The following CLYBL variants were observed in gnomAD, a reference collection of about 807,000 sequenced individuals.
CLYBL encodes citramalyl-CoA lyase, mitochondrial.
A neutral mutation model predicts 38.9 loss-of-function variants in CLYBL; 31 were observed. That is an observed-to-expected ratio of 0.80 (90% confidence interval 0.60 to 1.08). CLYBL has a LOEUF of 1.08. Ranked by LOEUF, CLYBL falls within the 50% of genes least tolerant of loss-of-function variation. CLYBL has a pLI of 0.00. For missense variants in CLYBL, 434 were observed against 411.6 expected (o/e 1.05, Z -0.47); for synonymous variants, 171 against 158.6 (o/e 1.08, Z -0.59).
At chr13:99,767,495 C>T (rs569815390) in intron 1 of CLYBL, among the ~76,000 whole-genome samples, 6 of 152,284 alleles carry the variant, frequency 3.9e-5, no homozygotes, top group Non-Finnish European at 7.4e-5. Context: ...AGTCTTTCAC[C>T]AAATTTGGAG....
In CLYBL at chr13:99,869,333, A is replaced by G. The variant is rs184808707; in HGVS notation, c.803-1605A>G. On this transcript the variant is annotated intron_variant, in intron 6 of 8. Transcript: ENST00000339105. The surrounding 1 kb of genome is among the most constrained non-coding windows in gnomAD (Gnocchi z 4.3). ...TTACGCATTGGTGTAAATTATGTACATAAATTATGAAATTCAGGGCTAACA... is the reference window on the plus strand; with the variant it reads ...TTACGCATTGGTGTAAATTATGTACGTAAATTATGAAATTCAGGGCTAACA... Among the ~76,000 whole-genome samples, 2 of 152,304 alleles carry G rather than the reference A, an allele frequency of 1.3e-5. No homozygotes were observed. Among genetic ancestry groups the G allele is most frequent in the Non-Finnish European group, 2.9e-5 (2 of 67,994 alleles).
intron 1 of CLYBL, among the ~76,000 whole-genome samples, chr13:99,626,313 G>A (rs1486690849): frequency 2.0e-5 from 3 of 152,218 alleles, no homozygotes; most frequent in Non-Finnish European, 4.4e-5. Context: ...GATTCCCAGG[G>A]GCTGGGCATG....
At chr13:99,801,008 TAGGAGCAGCCCCAGTAGGGGA>T (rs1302425426) in intron 2 of CLYBL, among the ~76,000 whole-genome samples, 2 of 151,724 alleles carry the variant, frequency 1.3e-5, no homozygotes, top group African/African-American at 2.4e-5. Flanking sequence ...CAAAGTTTCA[TAGGAGCAGCCCCAGTAGGGGA>T]AGGAGCAGCT....
intron 3 of CLYBL, among the ~76,000 whole-genome samples, chr13:99,862,301 C>T (rs988474515): frequency 1.3e-5 from 2 of 151,958 alleles, no homozygotes; most frequent in African/African-American, 4.8e-5. Context: ...TTTTTTCCCC[C>T]TTTTGAAGAG....
At position 99,756,713 on chromosome 13, in the gene CLYBL, G is replaced by C. The variant is rs540382401; in HGVS notation, c.63-16111G>C. On this transcript the variant is annotated intron_variant, in intron 1 of 8. Transcript: ENST00000339105. ...CCCAGGGAAGCCAAAAGGTTAGACAGTCCTGGACTAAAGCTTCCCACATGA... is the reference window on the plus strand; with the variant it reads ...CCCAGGGAAGCCAAAAGGTTAGACACTCCTGGACTAAAGCTTCCCACATGA... 3.9e-5 allele frequency among the ~76,000 whole-genome samples: 6 copies of C among 152,142 alleles called. No individual in the cohort carries two copies. The South Asian group carries it at 8.3e-4, about 21-fold the overall frequency.
At chr13:99,728,716 C>T (rs1183823675) in intron 1 of CLYBL, among the ~76,000 whole-genome samples, 1 of 151,990 alleles carries the variant, frequency 6.6e-6, no homozygotes, top group African/African-American at 2.4e-5. Context: ...TTGTGCACCA[C>T]CATGCCTGGC....
chr13:99,700,172 G>T (rs1011478727), intron 1 of CLYBL, among the ~76,000 whole-genome samples: 5 of 152,024 alleles, frequency 3.3e-5, no homozygotes, highest in South Asian at 4.2e-4. Flanking sequence ...CAGCACCAAG[G>T]CCGGGTGCAG....
At chr13:99,857,149 T>G (rs2051478623) in intron 2 of CLYBL, among the ~76,000 whole-genome samples, 1 of 151,716 alleles carries the variant, frequency 6.6e-6, no homozygotes, top group African/African-American at 2.4e-5. Flanking sequence ...ACCCTGTCTC[T>G]ACTAAAAATA....
At chr13:99,773,785 C>T (rs1210348350) in intron 2 of CLYBL, among the ~76,000 whole-genome samples, 1 of 152,124 alleles carries the variant, frequency 6.6e-6, no homozygotes, top group African/African-American at 2.4e-5. Context: ...TTCTGGGATA[C>T]GTGTCAAGAG....
intron 7 of CLYBL, among the ~76,000 whole-genome samples, chr13:99,875,934 G>C (rs115236074): frequency 0.01 from 1,555 of 152,208 alleles, 35 homozygotes; most frequent in African/African-American, 0.036. Context: ...TAAAAGTCCA[G>C]TTCTTAGAAA....
At chr13:99,703,604 G>A (rs1172921820) in intron 1 of CLYBL, among the ~76,000 whole-genome samples, 2 of 152,098 alleles carry the variant, frequency 1.3e-5, no homozygotes, top group Non-Finnish European at 2.9e-5. Context: ...TCCTGACCTC[G>A]TGATCCGCCC....
Position 99,793,033 on chromosome 13 carries a change from A to AAAACACACACACACACACAC in CLYBL, c.249+20024_249+20025insAACACACACACACACACACA, listed in dbSNP as rs368975807. Among the ~76,000 whole-genome samples, 816 of 146,012 alleles carry AAAACACACACACACACACAC rather than the reference A, an allele frequency of 5.6e-3. 8 individuals carry two copies. The highest frequency in any genetic ancestry group is 0.027 in the East Asian group (129 of 4,754). On this transcript the variant is annotated intron_variant, in intron 2 of 8. Transcript: ENST00000339105. ...TCTTCTTGTGCACATGTGCATACAT[A>AAAACACACACACACACACAC]ACACACACACACACACACACACACA...
downstream of CLYBL, chr13:99,893,541 C>A (rs1464221837): frequency 6.6e-6 from 1 of 152,428 alleles, no homozygotes; most frequent in African/African-American, 2.4e-5. Flanking sequence ...GAAAATAAAC[C>A]TCACCTTGTC....
intron 6 of CLYBL, among the ~76,000 whole-genome samples, chr13:99,867,804 C>T (rs1219883251): frequency 6.6e-6 from 1 of 152,084 alleles, no homozygotes; most frequent in African/African-American, 2.4e-5. Context: ...GGAACTAATT[C>T]GATAAAAAAG....
Position 99,762,839 on chromosome 13 carries a change from C to A in CLYBL, c.63-9985C>A, listed in dbSNP as rs568040048. ...TTTTTTGATGTGTCCTCCAAAATTT[C>A]TTTCATTGGTGTTTTATAGTTTTCC... is the stretch of plus-strand genomic sequence containing the variant. On this transcript the variant is annotated intron_variant, in intron 1 of 8. Coordinates refer to ENST00000339105, the MANE Select transcript of CLYBL (RefSeq NM_206808.5). 2.6e-5 allele frequency among the ~76,000 whole-genome samples: 4 copies of A among 152,138 alleles called. No homozygotes were observed. In the South Asian group the frequency reaches 6.2e-4, roughly 24 times the overall value.
chr13:99,610,818 C>T (rs970735380), intron 1 of CLYBL, among the ~76,000 whole-genome samples: 2 of 152,170 alleles, frequency 1.3e-5, no homozygotes, highest in African/African-American at 4.8e-5. Flanking sequence ...CCATTTTTGC[C>T]TTTTAAGTGT....
intron 1 of CLYBL, among the ~76,000 whole-genome samples, chr13:99,630,053 T>G (rs1594091304): frequency 2.9e-5 from 4 of 139,584 alleles, no homozygotes; most frequent in African/African-American, 9.7e-5. Flanking sequence ...GTTAGTTGGA[T>G]GTGGCTTCTC....
chr13:99,828,126 C>A (rs1303455414), intron 2 of CLYBL, among the ~76,000 whole-genome samples: 2 of 152,086 alleles, frequency 1.3e-5, no homozygotes, highest in Admixed American at 6.5e-5. Flanking sequence ...GAAATAACAC[C>A]ATAGAGTTTT....
intron 1 of CLYBL, among the ~76,000 whole-genome samples, chr13:99,696,649 A>G (rs2047983958): frequency 6.6e-6 from 1 of 152,132 alleles, no homozygotes. Context: ...AAAGAAGGAA[A>G]AAAAAAAGTA....
Sources: gnomAD v4.1 joint callset for allele counts (sites outside exome capture counted in the v4.1 genomes callset) on GRCh38, gnomAD v4.1.1 for gene constraint, Gnocchi (gnomAD v3.1) non-coding constraint, MANE v1.5 for transcripts, NCBI Gene and HGNC (gene_info 2026-07-23, HGNC 2026-07-21) for gene names.